The following ITGB5 variants were observed in gnomAD, a reference collection of about 807,000 sequenced individuals.
ITGB5 encodes integrin beta-5.
Under a neutral mutation model 84.8 loss-of-function variants are expected in ITGB5, and 38 were observed. The observed-to-expected ratio is 0.45, with a 90% confidence interval of 0.35 to 0.59. The LOEUF is 0.59. ITGB5 is among the 20% of genes least tolerant of loss of function. The probability of loss-of-function intolerance (pLI) is 0.01; values close to 1 mark genes in which losing one functional copy is unlikely to be tolerated. For synonymous variants in ITGB5, 393 were observed against 414.4 expected (o/e 0.95, Z 0.63); for missense variants, 905 against 1,034.5 (o/e 0.87, Z 1.72).
chr3:124,887,942 A>G, upstream of ITGB5: 1 of 242,358 alleles, frequency 4.1e-6, no homozygotes. Flanking sequence ...TTTTTGAGAC[A>G]GCGTCTTGCT....
chr3:124,810,385 T>G (rs532902611), intron 8 of ITGB5, among the ~76,000 whole-genome samples: 33 of 152,302 alleles, frequency 2.2e-4, no homozygotes, highest in Non-Finnish European at 3.5e-4. Flanking sequence ...TGTTTGGCCT[T>G]GGTGCTGGAT....
At chr3:124,773,172 G>A (rs2063872878) in intron 11 of ITGB5, among the ~76,000 whole-genome samples, 1 of 152,170 alleles carries the variant, frequency 6.6e-6, no homozygotes, top group African/African-American at 2.4e-5. Flanking sequence ...CTCCCAAAGA[G>A]CTGGGATTAC....
intron 1 of ITGB5, among the ~76,000 whole-genome samples, chr3:124,895,812 G>A (rs1216814392): frequency 1.3e-5 from 2 of 152,142 alleles, no homozygotes; most frequent in Non-Finnish European, 2.9e-5. Context: ...GCTGGTGGAG[G>A]AAAATGAGAA....
chr3:124,792,958 C>T (rs1478353945), intron 10 of ITGB5: 3 of 152,096 alleles, frequency 2.0e-5, no homozygotes, highest in African/African-American at 7.2e-5. Flanking sequence ...CCTCTCATAC[C>T]CCATCTCCCA....
chr3:124,893,434 ACT>A (rs911522503), intron 1 of ITGB5, among the ~76,000 whole-genome samples: 7 of 152,142 alleles, frequency 4.6e-5, no homozygotes, highest in African/African-American at 1.2e-4. Flanking sequence ...AAAATGATTA[ACT>A]TTTTATTTGA....
intron 10 of ITGB5, chr3:124,787,904 T>C (rs1020518516): frequency 7.0e-6 from 1 of 143,460 alleles, no homozygotes; most frequent in Non-Finnish European, 1.5e-5. Context: ...TAGAAACAGA[T>C]AGCTCTTTTT....
rs534330588 is a variant in ITGB5 at position 124,847,652 on chromosome 3, T to G, written c.611+657A>C. ...GAAAGCACCTGAGTCCCTGAGTCAC[T>G]GCTTGCAGGAGAAGTTCCATGGATG... On this transcript the variant is annotated intron_variant, in intron 4 of 14. Transcript: ENST00000296181. Among the ~76,000 whole-genome samples the G allele has an allele frequency of 2.0e-5, 3 of 152,302 alleles. No homozygotes were observed. In the East Asian group the frequency reaches 5.8e-4, roughly 29 times the overall value.
At chr3:124,775,226 GTGTA>G (rs2063906853) in intron 10 of ITGB5, among the ~76,000 whole-genome samples, 1 of 151,746 alleles carries the variant, frequency 6.6e-6, no homozygotes, top group Admixed American at 6.5e-5. Context: ...GAGTGTGAGT[GTGTA>G]TGAGTGTGTG....
chr3:124,870,730 G>GAAAAA (rs1005362306), intron 2 of ITGB5, among the ~76,000 whole-genome samples: 1 of 75,476 alleles, frequency 1.3e-5, no homozygotes. Context: ...CATCTCAAAA[G>GAAAAA]AAAAAAAAAA....
intron 5 of ITGB5, chr3:124,832,954 C>T (rs1227398034): frequency 6.6e-6 from 1 of 152,196 alleles, no homozygotes; most frequent in African/African-American, 2.4e-5. Context: ...TAAGGGAAAA[C>T]AAGGTTAGAG....
At chr3:124,811,519 A>T (rs1466026801) in intron 8 of ITGB5, among the ~76,000 whole-genome samples, 2 of 152,310 alleles carry the variant, frequency 1.3e-5, no homozygotes, top group Non-Finnish European at 2.9e-5. Context: ...CACAAATAAA[A>T]CTTTGGAAGG....
chr3:124,886,513 C>T (rs1168419527), intron 1 of ITGB5, among the ~76,000 whole-genome samples: 5 of 152,098 alleles, frequency 3.3e-5, no homozygotes, highest in Non-Finnish European at 7.4e-5. Flanking sequence ...CTTGCTTCTC[C>T]GGGAACAGGG....
intron 10 of ITGB5, among the ~76,000 whole-genome samples, chr3:124,783,382 T>C (rs1382735382): frequency 1.3e-5 from 2 of 151,140 alleles, no homozygotes; most frequent in Non-Finnish European, 2.9e-5. Flanking sequence ...TTAAGAGACG[T>C]AGGTATAGAA....
At position 124,873,546 on chromosome 3, in the gene ITGB5, A is replaced by C; in HGVS notation, c.71-15T>G. On this transcript the variant is annotated splice_polypyrimidine_tract_variant and intron_variant, in intron 1 of 14. Transcript: ENST00000296181. ...TATGTTGAGACCTTTAAAGCAAGATAAAGATGCACTAATTAGTTCCTGGCT... is the reference window on the plus strand; with the variant it reads ...TATGTTGAGACCTTTAAAGCAAGATCAAGATGCACTAATTAGTTCCTGGCT... 5 of 1,576,548 alleles carry C rather than the reference A, an allele frequency of 3.2e-6. 1 individual carries two copies. The South Asian group carries it at 4.4e-5, about 14-fold the overall frequency.
chr3:124,816,097 G>C (rs576321762), intron 8 of ITGB5, among the ~76,000 whole-genome samples: 52 of 152,300 alleles, frequency 3.4e-4, no homozygotes, highest in Middle Eastern at 3.4e-3. Context: ...GGCTACAACA[G>C]GAGATGGGAG....
intron 3 of ITGB5, among the ~76,000 whole-genome samples, chr3:124,855,484 C>T (rs1278531821): frequency 6.6e-6 from 1 of 152,168 alleles, no homozygotes; most frequent in Non-Finnish European, 1.5e-5. Flanking sequence ...GCCTGTACTT[C>T]TCTTTGTAAA....
chr3:124,818,737 G>A (rs1351575632), intron 7 of ITGB5, among the ~76,000 whole-genome samples: 1 of 151,990 alleles, frequency 6.6e-6, no homozygotes, highest in East Asian at 1.9e-4. Context: ...CTTTTCCCTT[G>A]TTTCATCTTC....
chr3:124,814,151 G>T (rs551557095), intron 8 of ITGB5, among the ~76,000 whole-genome samples: 1 of 151,906 alleles, frequency 6.6e-6, no homozygotes, highest in Non-Finnish European at 1.5e-5. Flanking sequence ...ATATCTTATC[G>T]TACCACAGTA....
chr3:124,870,332 G>A (rs1933937843), intron 2 of ITGB5, among the ~76,000 whole-genome samples: 1 of 152,234 alleles, frequency 6.6e-6, no homozygotes. Context: ...GTCATGGCCT[G>A]CACCTAGCAG....
Sources: allele counts gnomAD v4.1 joint callset (sites outside exome capture counted in the v4.1 genomes callset), GRCh38; gene constraint gnomAD v4.1.1; transcripts MANE v1.5; gene names NCBI Gene and HGNC (gene_info 2026-07-23, HGNC 2026-07-21).